The following PRKCE variants were observed in gnomAD, a reference collection of about 807,000 sequenced individuals.
PRKCE encodes protein kinase C epsilon, also known as protein kinase C epsilon type.
Under a neutral mutation model 85.4 loss-of-function variants are expected in PRKCE, and 16 were observed. The observed-to-expected ratio is 0.19, with a 90% confidence interval of 0.13 to 0.28. PRKCE has a LOEUF of 0.28. PRKCE is among the 10% of genes least tolerant of loss of function. The pLI is 1.00. For synonymous variants in PRKCE, 388 were observed against 371.5 expected (o/e 1.04, Z -0.51); for missense variants, 573 against 975.2 (o/e 0.59, Z 5.49).
intron 11 of PRKCE, among the ~76,000 whole-genome samples, chr2:46,099,498 G>T (rs1558453523): frequency 4.5e-5 from 6 of 133,660 alleles, no homozygotes; most frequent in Non-Finnish European, 1.6e-5. Flanking sequence ...ATAAGGTATG[G>T]TATTTTTTTT....
chr2:46,001,269 A>ATATATT lies in PRKCE; in HGVS notation c.824-132_824-131insATTTAT, dbSNP rs1553470602. The ATATATT allele has an allele frequency of 1.8e-6, 1 of 547,856 alleles. No individual in the cohort carries two copies. The highest frequency in any genetic ancestry group is 2.5e-6 in the Non-Finnish European group (1 of 392,656). 33.9% of individuals were successfully genotyped at this position (547,856 alleles called of 1,614,324 possible). ...ATGGAAGACATATATATATATATAT[A>ATATATT]TATTTCTGTATTTTCCAAATTATAT... On this transcript the variant is annotated intron_variant, in intron 6 of 14. Coordinates refer to ENST00000306156, the MANE Select transcript of PRKCE (RefSeq NM_005400.3). The surrounding 1 kb of genome is among the most constrained non-coding windows in gnomAD (Gnocchi z 4.4).
In PRKCE at chr2:45,907,894, C is replaced by A. The variant is rs907466466; in HGVS notation, c.412+64831C>A. 6.6e-6 allele frequency among the ~76,000 whole-genome samples: 1 copy of A among 152,200 alleles called. No homozygotes were observed. Among genetic ancestry groups the A allele is most frequent in the Non-Finnish European group, 1.5e-5 (1 of 68,034 alleles). On this transcript the variant is annotated intron_variant, in intron 2 of 14. Coordinates refer to ENST00000306156, the MANE Select transcript of PRKCE (RefSeq NM_005400.3). The surrounding 1 kb of genome is among the most constrained non-coding windows in gnomAD (Gnocchi z 4.5). ...AACAGTGCCTGGTATCTATGTTAAA[C>A]AAAACGCCTTGTCCAGAATGATCTC... is the stretch of plus-strand genomic sequence containing the variant.
intron 11 of PRKCE, among the ~76,000 whole-genome samples, chr2:46,127,953 C>A (rs1046089974): frequency 3.3e-5 from 5 of 152,224 alleles, no homozygotes; most frequent in Non-Finnish European, 5.9e-5. Context: ...CATGCCACTG[C>A]CTCAAAAGTC....
chr2:46,053,609 T>G (rs1353068711), intron 10 of PRKCE, among the ~76,000 whole-genome samples: 1 of 152,234 alleles, frequency 6.6e-6, no homozygotes, highest in African/African-American at 2.4e-5. Context: ...AGTATCTATC[T>G]TTTTGTGTCT....
chr2:45,779,264 A>G (rs962707638), intron 1 of PRKCE, among the ~76,000 whole-genome samples: 2 of 152,212 alleles, frequency 1.3e-5, no homozygotes, highest in Non-Finnish European at 2.9e-5. Context: ...TGTAGAGGAG[A>G]GGAGAGACCC....
chr2:45,999,388 A>G (rs1574172097), intron 6 of PRKCE, among the ~76,000 whole-genome samples: 2 of 152,096 alleles, frequency 1.3e-5, no homozygotes, highest in Admixed American at 6.6e-5. Context: ...TTATCTCAAC[A>G]TTTTGAATAT....
chr2:45,781,089 T>G (rs58847751), intron 1 of PRKCE, among the ~76,000 whole-genome samples: 9,573 of 152,060 alleles, frequency 0.063, 1,036 homozygotes, highest in African/African-American at 0.22. Context: ...TCCCAGCACT[T>G]TGGGAGGCTG....
chr2:46,088,356 A>G (rs1189343244), intron 11 of PRKCE, among the ~76,000 whole-genome samples: 2 of 151,952 alleles, frequency 1.3e-5, no homozygotes, highest in African/African-American at 4.8e-5. Context: ...CCAAAACCCC[A>G]TGTAGCACTG....
At chr2:45,989,125 C>A (rs989000139) in intron 6 of PRKCE, among the ~76,000 whole-genome samples, 1 of 152,308 alleles carries the variant, frequency 6.6e-6, no homozygotes, top group South Asian at 2.1e-4. Flanking sequence ...GTTGGGCCTG[C>A]GGGGGCCTGT....
At chr2:45,914,289 G>A (rs946050106) in intron 2 of PRKCE, among the ~76,000 whole-genome samples, 3 of 152,230 alleles carry the variant, frequency 2.0e-5, no homozygotes, top group African/African-American at 7.2e-5. Context: ...CTAATAAGAT[G>A]GGTGGACGAT....
At chr2:45,958,508 C>CA (rs540917691) in intron 2 of PRKCE, among the ~76,000 whole-genome samples, 932 of 68,624 alleles carry the variant, frequency 0.014, 5 homozygotes, top group Middle Eastern at 0.037. Flanking sequence ...GACTCTGTCT[C>CA]AAAAAAAAAA....
At chr2:45,806,916 T>G (rs1688286801) in intron 1 of PRKCE, among the ~76,000 whole-genome samples, 1 of 152,100 alleles carries the variant, frequency 6.6e-6, no homozygotes, top group Non-Finnish European at 1.5e-5. Flanking sequence ...TGAGGCTTCT[T>G]TAAATAGTTG....
intron 1 of PRKCE, among the ~76,000 whole-genome samples, chr2:45,820,149 G>A (rs961273341): frequency 6.6e-6 from 1 of 152,166 alleles, no homozygotes; most frequent in Non-Finnish European, 1.5e-5. Flanking sequence ...ACATCACGGC[G>A]CATCAGCTTT....
intron 10 of PRKCE, among the ~76,000 whole-genome samples, chr2:46,039,894 C>T (rs554010076): frequency 6.6e-6 from 1 of 152,134 alleles, no homozygotes; most frequent in Non-Finnish European, 1.5e-5. Flanking sequence ...ATTTGTGGGT[C>T]TCCGCACCAT....
At chr2:45,805,611 T>C (rs944158468) in intron 1 of PRKCE, among the ~76,000 whole-genome samples, 2 of 151,064 alleles carry the variant, frequency 1.3e-5, no homozygotes, top group Non-Finnish European at 1.5e-5. Flanking sequence ...TTTTTTTTTT[T>C]GTTAGACAGA....
At chr2:46,153,129 T>C (rs969194142) in intron 13 of PRKCE, among the ~76,000 whole-genome samples, 6 of 152,198 alleles carry the variant, frequency 3.9e-5, no homozygotes, top group Non-Finnish European at 7.3e-5. Flanking sequence ...TAAGTATTGG[T>C]GAGACCTGGT....
intron 2 of PRKCE, among the ~76,000 whole-genome samples, chr2:45,963,943 C>T (rs1458291734): frequency 1.3e-5 from 2 of 152,132 alleles, no homozygotes; most frequent in Non-Finnish European, 2.9e-5. Flanking sequence ...TCTGTGGAGC[C>T]CAAGGTGAGG....
intron 2 of PRKCE, among the ~76,000 whole-genome samples, chr2:45,867,880 C>G (rs1266851415): frequency 6.6e-6 from 1 of 152,216 alleles, no homozygotes; most frequent in African/African-American, 2.4e-5. Context: ...TACCTCATCA[C>G]TTCTGCAGGA....
At chr2:46,090,143 G>A (rs765599490) in intron 11 of PRKCE, among the ~76,000 whole-genome samples, 2 of 152,174 alleles carry the variant, frequency 1.3e-5, no homozygotes, top group Non-Finnish European at 2.9e-5. Context: ...TTTTATGTAT[G>A]TTTTGCCATA....
Sources: gnomAD v4.1 joint callset for allele counts (sites outside exome capture counted in the v4.1 genomes callset) on GRCh38, gnomAD v4.1.1 for gene constraint, Gnocchi (gnomAD v3.1) non-coding constraint, MANE v1.5 for transcripts, NCBI Gene and HGNC (gene_info 2026-07-23, HGNC 2026-07-21) for gene names.